The following SHISA6 variants were observed in gnomAD, a reference collection of about 807,000 sequenced individuals.
SHISA6 encodes the protein shisa family member 6, also known as protein shisa-6.
Under a neutral mutation model 47.9 loss-of-function variants are expected in SHISA6, and 22 were observed. That is an observed-to-expected ratio of 0.46 (90% CI 0.33 to 0.66). The LOEUF (loss-of-function observed/expected upper bound fraction) is 0.66. Ranked by LOEUF, SHISA6 falls within the 30% of genes least tolerant of loss-of-function variation. The pLI is 0.02. For missense variants in SHISA6, 680 were observed against 764.6 expected, an observed-to-expected ratio of 0.89 and a Z score of 1.30; for synonymous variants, 388 against 337.8, an observed-to-expected ratio of 1.15 and a Z score of -1.63.
intron 2 of SHISA6, among the ~76,000 whole-genome samples, chr17:11,366,646 G>C (rs1482278519): frequency 6.6e-6 from 1 of 152,190 alleles, no homozygotes; most frequent in Non-Finnish European, 1.5e-5. Context: ...GCACTCCTGG[G>C]AGGTGGCAGG....
rs1361931848 is a variant in SHISA6, at chr17:11,279,295, C to CT, written c.799+15773dup. Among the ~76,000 whole-genome samples, 4 of 152,138 alleles carry CT rather than the reference C, an allele frequency of 2.6e-5. No homozygotes were observed. In the East Asian group the frequency reaches 7.7e-4, roughly 29 times the overall value. ...CTTAACCTTGCTGGGTCTCTGCTTG[C>CT]TTTTCTCTACTTAAGAATACTCATA... is the stretch of plus-strand genomic sequence containing the variant. On this transcript the variant is annotated intron_variant, in intron 2 of 5. Coordinates refer to ENST00000441885, the MANE Select transcript of SHISA6 (RefSeq NM_207386.4).
rs1181412671 is a variant in SHISA6, at chr17:11,558,349, G to C, written c.*45G>C. 2.0e-6 allele frequency: 3 copies of C among 1,511,880 alleles called. No individual in the cohort carries two copies. Among genetic ancestry groups the C allele is most frequent in the Non-Finnish European group, 1.8e-6 (2 of 1,131,276 alleles). The allele number at this position is 1,511,880 out of a possible 1,614,324, so 93.7% of individuals were successfully genotyped here. On this transcript the variant is annotated 3_prime_UTR_variant, in exon 6 of 6. Transcript: ENST00000441885. ...GCTGCTGGGCGTGGCAGAGCAGAGCGGGGGCCGGGAGGGGCCAGGAGCAGA... is the reference window on the plus strand; with the variant it reads ...GCTGCTGGGCGTGGCAGAGCAGAGCCGGGGCCGGGAGGGGCCAGGAGCAGA...
chr17:11,468,797 G>C (rs1355910794), intron 3 of SHISA6, among the ~76,000 whole-genome samples: 1 of 152,030 alleles, frequency 6.6e-6, no homozygotes, highest in African/African-American at 2.4e-5. Flanking sequence ...AAGGTGGCTG[G>C]ATCACTTGAG....
At chr17:11,429,405 G>C (rs1428199927) in intron 3 of SHISA6, among the ~76,000 whole-genome samples, 1 of 152,072 alleles carries the variant, frequency 6.6e-6, no homozygotes, top group Non-Finnish European at 1.5e-5. Context: ...GTTGGGGGAG[G>C]GAACCATAGG....
chr17:11,448,430 G>A (rs181253447), intron 3 of SHISA6, among the ~76,000 whole-genome samples: 2 of 151,374 alleles, frequency 1.3e-5, no homozygotes, highest in African/African-American at 4.8e-5. Context: ...CTATCAGGAG[G>A]CCGAAGTGGG....
chr17:11,501,698 A>G (rs890533524), intron 3 of SHISA6, among the ~76,000 whole-genome samples: 1 of 150,312 alleles, frequency 6.7e-6, no homozygotes, highest in Admixed American at 6.6e-5. Context: ...CAGAGAAGAC[A>G]GAGAGAGAGA....
At chr17:11,477,259 A>G (rs925174437) in intron 3 of SHISA6, among the ~76,000 whole-genome samples, 1 of 152,166 alleles carries the variant, frequency 6.6e-6, no homozygotes, top group Non-Finnish European at 1.5e-5. Flanking sequence ...TTGATGTACA[A>G]AGCAATTACT....
At chr17:11,556,041 A>G in intron 5 of SHISA6, 149 bp downstream of exon 5, 1 of 1,087,426 alleles carries the variant, frequency 9.2e-7, no homozygotes, top group Non-Finnish European at 1.2e-6. Context: ...AGAATAGACA[A>G]GCTCTTTGCT....
intron 2 of SHISA6, among the ~76,000 whole-genome samples, chr17:11,321,021 C>A (rs986195625): frequency 6.6e-6 from 1 of 152,138 alleles, no homozygotes; most frequent in Non-Finnish European, 1.5e-5. Context: ...ACACTAAATA[C>A]CTACTTAATA....
At chr17:11,257,960 T>A (rs1314578111) in intron 1 of SHISA6, among the ~76,000 whole-genome samples, 3 of 152,190 alleles carry the variant, frequency 2.0e-5, no homozygotes, top group Non-Finnish European at 4.4e-5. Context: ...GAACTAAAGA[T>A]TAGACTGATG....
At chr17:11,269,417 G>A (rs951470474) in intron 2 of SHISA6, among the ~76,000 whole-genome samples, 11 of 152,176 alleles carry the variant, frequency 7.2e-5, no homozygotes, top group Admixed American at 7.2e-4. Context: ...GGTCAGCGCA[G>A]CCAGGGACTG....
intron 2 of SHISA6, among the ~76,000 whole-genome samples, chr17:11,269,960 A>G (rs1293005835): frequency 1.3e-5 from 2 of 152,082 alleles, no homozygotes; most frequent in Non-Finnish European, 2.9e-5. Context: ...AATTTTACCT[A>G]TTTATTTTTA....
intron 3 of SHISA6, among the ~76,000 whole-genome samples, chr17:11,536,225 T>C (rs1386975407): frequency 1.3e-5 from 2 of 152,120 alleles, no homozygotes; most frequent in Non-Finnish European, 1.5e-5. Context: ...GCTATGATAG[T>C]ATGTCAGGTA....
rs147120933 is a variant in SHISA6, at chr17:11,471,078, G to A, written c.896-80818G>A. On this transcript the variant is annotated intron_variant, in intron 3 of 5. Coordinates refer to ENST00000441885, the MANE Select transcript of SHISA6 (RefSeq NM_207386.4). ...TACAAAATTACCTGGGCGTGGTGGCGCATGCCTGTTATCCCAGCTACTCGG... is the reference window on the plus strand; with the variant it reads ...TACAAAATTACCTGGGCGTGGTGGCACATGCCTGTTATCCCAGCTACTCGG... Among the ~76,000 whole-genome samples the A allele has an allele frequency of 2.7e-3, 403 of 151,536 alleles. 1 individual carries two copies. Among genetic ancestry groups the A allele is most frequent in the African/African-American group, 9.1e-3 (378 of 41,368 alleles).
intron 2 of SHISA6, among the ~76,000 whole-genome samples, chr17:11,293,607 C>G (rs1909630280): frequency 1.3e-5 from 2 of 152,054 alleles, no homozygotes; most frequent in African/African-American, 4.8e-5. Flanking sequence ...ACAGAAATTC[C>G]CAAATGGGAG....
rs142063813 is a variant in SHISA6, at chr17:11,366,679, A to T, written c.800-12735A>T. On this transcript the variant is annotated intron_variant, in intron 2 of 5. Transcript: ENST00000441885. Reference sequence around the variant, plus strand: ...AGGACAGATGGAGAAGAGTGGGTGGATGTGAAATGAAGCTTGCAAATCGTC... The same window carrying T: ...AGGACAGATGGAGAAGAGTGGGTGGTTGTGAAATGAAGCTTGCAAATCGTC... Among the ~76,000 whole-genome samples, 287 of 152,244 alleles carry T rather than the reference A, an allele frequency of 1.9e-3. 1 individual carries two copies. Among genetic ancestry groups the T allele is most frequent in the Non-Finnish European group, 3.4e-3 (228 of 68,014 alleles).
chr17:11,415,702 G>A (rs1423087893), intron 3 of SHISA6, among the ~76,000 whole-genome samples: 2 of 152,076 alleles, frequency 1.3e-5, no homozygotes, highest in Non-Finnish European at 2.9e-5. Context: ...AGGCTTTGCT[G>A]TGGATTTTGC....
intron 3 of SHISA6, among the ~76,000 whole-genome samples, chr17:11,448,249 G>A (rs1915289332): frequency 6.6e-6 from 1 of 152,070 alleles, no homozygotes; most frequent in African/African-American, 2.4e-5. Context: ...ACGATAAAGA[G>A]GCTGGGTGTG....
At chr17:11,445,170 C>T (rs1265594566) in intron 3 of SHISA6, among the ~76,000 whole-genome samples, 1 of 152,096 alleles carries the variant, frequency 6.6e-6, no homozygotes, top group African/African-American at 2.4e-5. Context: ...TCTCCATATC[C>T]TTACATGGCA....
Sources: gnomAD v4.1 joint callset for allele counts (sites outside exome capture counted in the v4.1 genomes callset) on GRCh38, gnomAD v4.1.1 for gene constraint, MANE v1.5 for transcripts, NCBI Gene and HGNC (gene_info 2026-07-23, HGNC 2026-07-21) for gene names.